The following IGF2BP3 variants were observed in gnomAD, a reference collection of about 807,000 sequenced individuals.
IGF2BP3 encodes the protein insulin like growth factor 2 mRNA binding protein 3.
In IGF2BP3, 9 loss-of-function variants were observed where a neutral mutation model predicts 73.8. That is an observed-to-expected ratio of 0.12 (90% CI 0.07 to 0.21). IGF2BP3 has a LOEUF of 0.21. Among genes scored for constraint, IGF2BP3 ranks in the 10% least tolerant of loss-of-function variants. The probability of loss-of-function intolerance (pLI) is 1.00; values close to 1 mark genes in which losing one functional copy is unlikely to be tolerated. For synonymous variants in IGF2BP3, 258 were observed against 256.7 expected (o/e 1.01, Z -0.05); for missense variants, 542 against 714.0 (o/e 0.76, Z 2.75).
chr7:23,355,400 TTTTTC>T (rs1785071040), intron 5 of IGF2BP3, among the ~76,000 whole-genome samples: 3 of 151,978 alleles, frequency 2.0e-5, no homozygotes, highest in South Asian at 4.1e-4. Context: ...TTTGTATTTT[TTTTTC>T]TTTTAACTAG....
intron 5 of IGF2BP3, among the ~76,000 whole-genome samples, 199 bp from the exon 6 acceptor site, chr7:23,351,785 C>G (rs2128504963): frequency 6.6e-6 from 1 of 152,252 alleles, no homozygotes; most frequent in African/African-American, 2.4e-5. Flanking sequence ...CACACATTTT[C>G]CTTTGAGACA....
chr7:23,398,877 G>A (rs1290446237), intron 3 of IGF2BP3, among the ~76,000 whole-genome samples: 1 of 152,142 alleles, frequency 6.6e-6, no homozygotes, highest in Non-Finnish European at 1.5e-5. Flanking sequence ...CACTCTGATG[G>A]TAGTTTCTTT....
At chr7:23,438,689 C>G (rs944675364) in intron 2 of IGF2BP3, among the ~76,000 whole-genome samples, 1 of 152,134 alleles carries the variant, frequency 6.6e-6, no homozygotes, top group Non-Finnish European at 1.5e-5. Context: ...GGTTGTTAGG[C>G]TGATAAAATA....
rs149798478 is a variant in IGF2BP3 at position 23,331,071 on chromosome 7, T to C, written c.1203+10993A>G. On this transcript the variant is annotated intron_variant, in intron 10 of 14. Transcript: ENST00000258729. ...ACCTCAGCCTCCCAAAGTGTTGGGA[T>C]TACAGGCATGAGCCACTGCGCCCGG... is the stretch of plus-strand genomic sequence containing the variant. Among the ~76,000 whole-genome samples the C allele has an allele frequency of 2.0e-3, 303 of 152,324 alleles. 2 individuals are homozygous for C. The highest frequency in any genetic ancestry group is 6.7e-3 in the African/African-American group (277 of 41,572).
intron 10 of IGF2BP3, among the ~76,000 whole-genome samples, chr7:23,324,593 C>T: frequency 1.0e-5 from 1 of 99,924 alleles, no homozygotes; most frequent in African/African-American, 4.3e-5. Context: ...CATCCTGATA[C>T]CAAAGCCGGG....
At chr7:23,317,522 G>A (rs1784023810) in intron 12 of IGF2BP3, 117 bp downstream of exon 12, 2 of 750,902 alleles carry the variant, frequency 2.7e-6, no homozygotes, top group Non-Finnish European at 2.3e-6. Context: ...TCAGCTCTTA[G>A]ATAAGAATTT....
chr7:23,374,796 C>T (rs1408500212), intron 3 of IGF2BP3, among the ~76,000 whole-genome samples: 3 of 152,034 alleles, frequency 2.0e-5, no homozygotes, highest in Admixed American at 6.6e-5. Flanking sequence ...CCCTAAGTGT[C>T]GGCCGGTCTG....
chr7:23,336,607 C>T (rs894088381), intron 10 of IGF2BP3, among the ~76,000 whole-genome samples: 23 of 151,982 alleles, frequency 1.5e-4, no homozygotes, highest in East Asian at 1.9e-4. Flanking sequence ...CTCGGCTCAT[C>T]GCAACGCCTG....
intron 2 of IGF2BP3, among the ~76,000 whole-genome samples, chr7:23,443,380 C>T (rs2128545847): frequency 1.3e-5 from 2 of 152,216 alleles, no homozygotes; most frequent in East Asian, 3.9e-4. Context: ...CTGCCTCGGC[C>T]TCCCAAAGTG....
chr7:23,444,493 C>A (rs1217629899), intron 2 of IGF2BP3, among the ~76,000 whole-genome samples: 1 of 152,052 alleles, frequency 6.6e-6, no homozygotes, highest in African/African-American at 2.4e-5. Context: ...GTAATCCCAG[C>A]ACTTTGGGAG....
chr7:23,407,189 A>G (rs1329289087), intron 3 of IGF2BP3, among the ~76,000 whole-genome samples: 1 of 151,400 alleles, frequency 6.6e-6, no homozygotes, highest in Non-Finnish European at 1.5e-5. Context: ...ATTAAAAAAA[A>G]AAAAAAAGAA....
intron 2 of IGF2BP3, among the ~76,000 whole-genome samples, chr7:23,457,417 A>G (rs967086879): frequency 6.6e-6 from 1 of 152,106 alleles, no homozygotes; most frequent in Non-Finnish European, 1.5e-5. Context: ...GTGAGCAGAG[A>G]TCGCGCCACT....
intron 2 of IGF2BP3, among the ~76,000 whole-genome samples, chr7:23,433,231 A>T (rs76348607): frequency 0.1 from 15,618 of 151,144 alleles, 893 homozygotes; most frequent in Middle Eastern, 0.14. Context: ...AAATATCATT[A>T]TATTTTTTTC....
chr7:23,401,406 C>T (rs1009627135), intron 3 of IGF2BP3, among the ~76,000 whole-genome samples: 1 of 152,176 alleles, frequency 6.6e-6, no homozygotes, highest in Non-Finnish European at 1.5e-5. Context: ...TAGGAATTGT[C>T]TTCCATCATT....
chr7:23,421,677 C>T (rs28738798), intron 2 of IGF2BP3, among the ~76,000 whole-genome samples: 2 of 136,036 alleles, frequency 1.5e-5, no homozygotes, highest in African/African-American at 2.8e-5. Context: ...GGTGACAGAG[C>T]GAGACTCCAT....
intron 2 of IGF2BP3, among the ~76,000 whole-genome samples, chr7:23,460,190 A>AAAAAAC (rs1788414184): frequency 6.7e-6 from 1 of 149,916 alleles, no homozygotes; most frequent in Non-Finnish European, 1.5e-5. Flanking sequence ...AAAAAAAAAA[A>AAAAAAC]AAAAAACAAA....
chr7:23,373,431 G>A (rs1290213328), intron 3 of IGF2BP3, among the ~76,000 whole-genome samples: 1 of 152,028 alleles, frequency 6.6e-6, no homozygotes, highest in African/African-American at 2.4e-5. Context: ...TAGTCATTAG[G>A]GAAATGTAAA....
intron 2 of IGF2BP3, among the ~76,000 whole-genome samples, chr7:23,434,103 A>G (rs1787752454): frequency 6.6e-6 from 1 of 151,754 alleles, no homozygotes; most frequent in Admixed American, 6.6e-5. Context: ...AAAAAAAAAA[A>G]AAAAAGAAAA....
At chr7:23,380,869 C>T (rs1785888581) in intron 3 of IGF2BP3, among the ~76,000 whole-genome samples, 1 of 152,208 alleles carries the variant, frequency 6.6e-6, no homozygotes, top group Non-Finnish European at 1.5e-5. Context: ...TTGCCAGCAC[C>T]CGATGGCAGA....
Sources: gnomAD v4.1 joint callset for allele counts (sites outside exome capture counted in the v4.1 genomes callset) on GRCh38, gnomAD v4.1.1 for gene constraint, MANE v1.5 for transcripts, NCBI Gene and HGNC (gene_info 2026-07-23, HGNC 2026-07-21) for gene names.